The following TSBP1 variants were observed in gnomAD, a reference collection of about 807,000 sequenced individuals.
TSBP1 encodes testis-expressed basic protein 1.
In TSBP1, 56 loss-of-function variants were observed where a neutral mutation model predicts 68.8. The ratio of observed to expected loss-of-function variants is 0.81; its 90% CI spans 0.66 to 1.02. The LOEUF (loss-of-function observed/expected upper bound fraction) is 1.02, where lower values mean the gene tolerates loss of function less well. Among genes scored for constraint, TSBP1 ranks in the 50% least tolerant of loss-of-function variants. The pLI, the probability that TSBP1 is intolerant of heterozygous loss-of-function variation, is 0.00. For synonymous variants in TSBP1, 171 were observed against 208.7 expected, an observed-to-expected ratio of 0.82 and a Z score of 1.56; for missense variants, 502 against 641.2, an observed-to-expected ratio of 0.78 and a Z score of 2.34.
In TSBP1 at chr6:32,365,088, C is replaced by G. The variant is rs1486405733; in HGVS notation, c.217+1079G>C. On this transcript the variant is annotated intron_variant, in intron 6 of 22. Coordinates refer to ENST00000612031, the Ensembl canonical transcript of TSBP1. The surrounding 1 kb of genome is among the most constrained non-coding windows in gnomAD (Gnocchi z 4.3). ...TTTTTTTTTTTTAGAGACGGAGTCT[C>G]ACTATGTTGCCCAGGCCAGTCTCGA... Among the ~76,000 whole-genome samples, 1 of 150,728 alleles carries G rather than the reference C, an allele frequency of 6.6e-6. No individual in the cohort carries two copies. Among genetic ancestry groups the G allele is most frequent in the Non-Finnish European group, 1.5e-5 (1 of 67,848 alleles).
intron 19 of TSBP1, among the ~76,000 whole-genome samples, chr6:32,307,489 A>G (rs973682228): frequency 3.3e-5 from 5 of 152,160 alleles, no homozygotes; most frequent in African/African-American, 1.2e-4. Flanking sequence ...TTGGTGGTCA[A>G]GGTAATCTTT....
chr6:32,331,681 T>C lies in TSBP1; in HGVS notation c.493+353A>G, dbSNP rs145396511. ...ACCCCCTCATCATGGGAACATCTTA[T>C]CAATATCCTGCCGGCCAGCAAGCCA... On this transcript the variant is annotated intron_variant, in intron 15 of 22. Coordinates refer to ENST00000612031, the Ensembl canonical transcript of TSBP1. 6.7e-3 allele frequency among the ~76,000 whole-genome samples: 1,026 copies of C among 152,202 alleles called. 17 individuals are homozygous for C. Among genetic ancestry groups the C allele is most frequent in the East Asian group, 0.021 (111 of 5,174 alleles).
In TSBP1 at chr6:32,327,969, T is replaced by TAA. The variant is rs533105641; in HGVS notation, c.514+2619_514+2620insTT. Among the ~76,000 whole-genome samples the TAA allele has an allele frequency of 6.6e-3, 1,008 of 151,650 alleles. 19 individuals carry two copies. Among genetic ancestry groups the TAA allele is most frequent in the East Asian group, 0.02 (101 of 5,140 alleles). ...ACCATGCCCGACTTATTATTATTTTTTTTTTTTTGTATTTTTAGTAGAGAC... is the reference window on the plus strand; with the variant it reads ...ACCATGCCCGACTTATTATTATTTTTAATTTTTTTTGTATTTTTAGTAGAGAC... On this transcript the variant is annotated intron_variant, in intron 16 of 22. Transcript: ENST00000612031.
At chr6:32,293,125 T>C (rs1390457127) in exon 23 of TSBP1, 13 of 1,592,542 alleles carry the variant, frequency 8.2e-6, no homozygotes, top group Non-Finnish European at 1.0e-5. Context: ...TTTTGTCACC[T>C]TTTTCTTTTT....
Position 32,357,950 on chromosome 6 carries a change from G to T in TSBP1, c.218-2281C>A, listed in dbSNP as rs1227497809. On this transcript the variant is annotated intron_variant, in intron 6 of 22. Coordinates refer to ENST00000612031, the Ensembl canonical transcript of TSBP1. The surrounding 1 kb of genome is among the most constrained non-coding windows in gnomAD (Gnocchi z 4.7). ...AATCCCCAGCAGTGTCTCTGGGGTG[G>T]GGCTGCATTCACTTGCAGGAAGGAA... is the stretch of plus-strand genomic sequence containing the variant. 2.0e-5 allele frequency among the ~76,000 whole-genome samples: 3 copies of T among 152,156 alleles called. No individual in the cohort carries two copies. Among genetic ancestry groups the T allele is most frequent in the Non-Finnish European group, 4.4e-5 (3 of 68,034 alleles).
intron 15 of TSBP1, 123 bp from the exon 17 acceptor site, chr6:32,330,732 G>C (rs890434774): frequency 3.3e-6 from 4 of 1,213,996 alleles, no homozygotes; most frequent in South Asian, 3.4e-5. Context: ...GTGTGGTAGG[G>C]TGATCTTGGC....
chr6:32,368,221 C>T (rs1773988926), intron 3 of TSBP1, among the ~76,000 whole-genome samples: 2 of 152,180 alleles, frequency 1.3e-5, no homozygotes, highest in Admixed American at 6.5e-5. Flanking sequence ...CTTGATACTT[C>T]AGCAGCTAGT....
At chr6:32,332,977 C>A (rs1178380051) in intron 14 of TSBP1, among the ~76,000 whole-genome samples, 1 of 151,702 alleles carries the variant, frequency 6.6e-6, no homozygotes, top group Non-Finnish European at 1.5e-5. Context: ...GCCTGGTGAC[C>A]TGATAAATAT....
At position 32,339,598 on chromosome 6, in the gene TSBP1, A is replaced by T; in HGVS notation, c.388+2T>A. 1 of 1,283,586 alleles carries T rather than the reference A, an allele frequency of 7.8e-7. No individual in the cohort carries two copies. Among genetic ancestry groups the T allele is most frequent in the South Asian group, 1.2e-5 (1 of 80,594 alleles). 79.5% of individuals were successfully genotyped at this position (1,283,586 alleles called of 1,614,324 possible). ...ACTGAGTTGTATATATGGGAAACTT[A>T]CAAGGAGGTTCTTCAGTTGTTTGTA... On this transcript the variant is annotated splice_donor_variant, in intron 10 of 22. Transcript: ENST00000612031. LOFTEE classifies it high-confidence loss of function.
intron 15 of TSBP1, 21 bp from the exon 17 acceptor site, chr6:32,330,630 AATTAAAC>A (rs1768879434): frequency 6.5e-7 from 1 of 1,545,174 alleles, no homozygotes; most frequent in Non-Finnish European, 8.7e-7. Flanking sequence ...GAAACAAACA[AATTAAAC>A]ACACACACAC....
At chr6:32,370,869 GAA>G (rs9281768) in intron 1 of TSBP1, among the ~76,000 whole-genome samples, 1 of 150,934 alleles carries the variant, frequency 6.6e-6, no homozygotes, top group African/African-American at 2.4e-5. Context: ...GAGAGAGAGA[GAA>G]AGGAAAGAAG....
At chr6:32,355,729 G>A (rs1432074830) in intron 6 of TSBP1, 60 bp from the exon 7 acceptor site, 11 of 1,556,736 alleles carry the variant, frequency 7.1e-6, no homozygotes, top group Non-Finnish European at 8.7e-6. Flanking sequence ...TGTAGTTTTG[G>A]TATCACTACA....
Position 32,335,500 on chromosome 6 carries a change from T to A in TSBP1, c.452-43A>T. On this transcript the variant is annotated intron_variant, in intron 13 of 22. Transcript: ENST00000612031. This position sits in a 1 kb window ranked among gnomAD's most constrained non-coding sequence, Gnocchi z 5.5. ...AAGAAATCAGTAGCTATATATATAT[T>A]TTATATATACTTTTTATTTATATAC... The A allele has an allele frequency of 2.5e-6, 3 of 1,218,362 alleles. No homozygotes were observed. Among genetic ancestry groups the A allele is most frequent in the South Asian group, 2.2e-5 (1 of 45,986 alleles). The allele number at this position is 1,218,362 out of a possible 1,614,324, so 75.5% of individuals were successfully genotyped here.
chr6:32,330,491 G>C, intron 16 of TSBP1, 98 bp downstream of exon 17: 1 of 1,076,342 alleles, frequency 9.3e-7, no homozygotes, highest in Non-Finnish European at 1.4e-6. Context: ...TCTTATGGCA[G>C]TGAGACACAT....
Position 32,343,425 on chromosome 6 carries a change from C to T in TSBP1, c.350-3787G>A, listed in dbSNP as rs116680752. On this transcript the variant is annotated intron_variant, in intron 9 of 22. Transcript: ENST00000612031. This position sits in a 1 kb window ranked among gnomAD's most constrained non-coding sequence, Gnocchi z 4.3. ...ACTTGCAAGTGATCCCATGTCTTTTCCCCCTTAGACACTATGCAGGAGTGA... is the reference window on the plus strand; with the variant it reads ...ACTTGCAAGTGATCCCATGTCTTTTTCCCCTTAGACACTATGCAGGAGTGA... Among the ~76,000 whole-genome samples, 168 of 152,282 alleles carry T rather than the reference C, an allele frequency of 1.1e-3. No individual in the cohort carries two copies. The highest frequency in any genetic ancestry group is 3.9e-3 in the African/African-American group (160 of 41,554).
intron 4 of TSBP1, 34 bp from the exon 5 acceptor site, chr6:32,366,336 A>G (rs1773708578): frequency 3.8e-6 from 6 of 1,570,314 alleles, no homozygotes; most frequent in Non-Finnish European, 5.2e-6. Flanking sequence ...ATGAGATTTT[A>G]CTTCAACAAG....
At chr6:32,366,672 A>G (rs1328943220) in intron 4 of TSBP1, among the ~76,000 whole-genome samples, 4 of 142,324 alleles carry the variant, frequency 2.8e-5, no homozygotes, top group African/African-American at 1.0e-4. Flanking sequence ...CTGAGAGAGG[A>G]GAATGGCGTG....
chr6:32,312,576 G>T (rs1202831762), intron 19 of TSBP1, among the ~76,000 whole-genome samples: 1 of 152,158 alleles, frequency 6.6e-6, no homozygotes, highest in Admixed American at 6.5e-5. Context: ...TAATTAATTA[G>T]TCCTAAATGT....
intron 16 of TSBP1, among the ~76,000 whole-genome samples, chr6:32,326,341 C>T (rs1300276696): frequency 6.6e-6 from 1 of 152,016 alleles, no homozygotes; most frequent in Non-Finnish European, 1.5e-5. Flanking sequence ...GCAAAAAACT[C>T]GAGGACTGTA....
Sources: gnomAD v4.1 joint callset for allele counts (sites outside exome capture counted in the v4.1 genomes callset) on GRCh38, gnomAD v4.1.1 for gene constraint, Gnocchi (gnomAD v3.1) non-coding constraint, MANE v1.5 for transcripts, NCBI Gene and HGNC (gene_info 2026-07-23, HGNC 2026-07-21) for gene names.